CNGB3: variants seen among roughly 807,000 people sequenced by gnomAD.
CNGB3 encodes cyclic nucleotide gated channel subunit beta 3.
In CNGB3, 86 loss-of-function variants were observed where a neutral mutation model predicts 92.8. The observed-to-expected ratio is 0.93, with a 90% confidence interval of 0.78 to 1.11. The LOEUF is 1.11. Among genes scored for constraint, CNGB3 ranks in the 50% least tolerant of loss-of-function variants. CNGB3 has a pLI of 0.00. For missense variants in CNGB3, 1,026 were observed against 956.8 expected (o/e 1.07, Z -0.95); for synonymous variants, 333 against 332.7 (o/e 1.00, Z -0.01).
At chr8:86,732,213 C>G (rs1262516015) in intron 2 of CNGB3, among the ~76,000 whole-genome samples, 1 of 152,152 alleles carries the variant, frequency 6.6e-6, no homozygotes, top group Non-Finnish European at 1.5e-5. Context: ...GCTTTCCATG[C>G]CAAACTTCGC....
At chr8:86,698,150 C>G (rs991899789) in intron 3 of CNGB3, among the ~76,000 whole-genome samples, 1 of 152,168 alleles carries the variant, frequency 6.6e-6, no homozygotes, top group Non-Finnish European at 1.5e-5. Flanking sequence ...CCGATAGTTT[C>G]CAGATTCTAT....
At chr8:86,630,645 C>T (rs149723260) in intron 11 of CNGB3, among the ~76,000 whole-genome samples, 238 of 152,200 alleles carry the variant, frequency 1.6e-3, no homozygotes, top group African/African-American at 5.5e-3. Context: ...GTGGGAGAAT[C>T]ACTTGAGGCC....
intron 13 of CNGB3, among the ~76,000 whole-genome samples, chr8:86,616,900 G>T (rs1822632711): frequency 6.6e-6 from 1 of 152,130 alleles, no homozygotes; most frequent in African/African-American, 2.4e-5. Flanking sequence ...ATCTACACTT[G>T]GAGCAACTTG....
At chr8:86,728,064 C>T (rs369662026) in intron 2 of CNGB3, among the ~76,000 whole-genome samples, 25 of 152,028 alleles carry the variant, frequency 1.6e-4, no homozygotes, top group Non-Finnish European at 2.1e-4. Context: ...TTTCCCAAGA[C>T]GCTTTTATTC....
intron 3 of CNGB3, among the ~76,000 whole-genome samples, chr8:86,679,186 C>T (rs903527756): frequency 6.6e-6 from 1 of 152,160 alleles, no homozygotes; most frequent in Non-Finnish European, 1.5e-5. Context: ...GAAAGCTCAT[C>T]ATATTCTGTA....
intron 3 of CNGB3, among the ~76,000 whole-genome samples, chr8:86,675,769 CT>C (rs906912733): frequency 1.3e-5 from 2 of 152,152 alleles, no homozygotes; most frequent in Admixed American, 6.6e-5. Context: ...AAATTTGTGA[CT>C]TTTTTTGATA....
At position 86,594,695 on chromosome 8, in the gene CNGB3, TTTTG is replaced by T. The variant is rs59438172; in HGVS notation, c.1781+9394_1781+9397del. On this transcript the variant is annotated intron_variant, in intron 15 of 17. Transcript: ENST00000320005. Reference sequence around the variant, plus strand: ...GCTTGCCCCTGGCTTTAGACAGCTTTTTTGTTTGTTTGTTTGTTTGTTTGTTTGT... The same window carrying T: ...GCTTGCCCCTGGCTTTAGACAGCTTTTTTGTTTGTTTGTTTGTTTGTTTGT... 1.9e-3 allele frequency: 323 copies of T among 166,642 alleles called. 1 individual carries two copies. The highest frequency in any genetic ancestry group is 4.9e-3 in the African/African-American group (201 of 41,000). The allele number at this position is 166,642 out of a possible 1,614,324, so 10.3% of individuals were successfully genotyped here.
intron 6 of CNGB3, chr8:86,658,685 C>T: frequency 5.2e-6 from 2 of 384,310 alleles, no homozygotes; most frequent in South Asian, 6.1e-5. Context: ...CACCCAGCTT[C>T]TCGCTCGGCT....
chr8:86,694,704 T>C (rs1586021590), intron 3 of CNGB3, among the ~76,000 whole-genome samples: 1 of 144,338 alleles, frequency 6.9e-6, no homozygotes, highest in Admixed American at 6.8e-5. Flanking sequence ...AGACGATGGG[T>C]GGCCGGGCAG....
At position 86,625,576 on chromosome 8, in the gene CNGB3, G is replaced by A. The variant is rs114256800; in HGVS notation, c.1578+407C>T. Reference sequence around the variant, plus strand: ...GTCTAAATCCAAAGTATTTGTAATAGAAGACATGATTAGGTATAATTCTCT... The same window carrying A: ...GTCTAAATCCAAAGTATTTGTAATAAAAGACATGATTAGGTATAATTCTCT... On this transcript the variant is annotated intron_variant, in intron 13 of 17. Transcript: ENST00000320005. 3.2e-3 allele frequency among the ~76,000 whole-genome samples: 494 copies of A among 152,114 alleles called. 1 individual carries two copies. The highest frequency in any genetic ancestry group is 0.011 in the African/African-American group (462 of 41,496).
At chr8:86,742,231 T>C (rs1032960456) in intron 1 of CNGB3, among the ~76,000 whole-genome samples, 2 of 152,238 alleles carry the variant, frequency 1.3e-5, no homozygotes, top group African/African-American at 4.8e-5. Flanking sequence ...ATGTAGTGAC[T>C]TTCCCAGAGC....
Position 86,649,626 on chromosome 8 carries a change from C to G in CNGB3, c.904-1739G>C, listed in dbSNP as rs142376471. 2.2e-3 allele frequency among the ~76,000 whole-genome samples: 338 copies of G among 151,650 alleles called. 5 individuals are homozygous for G. Among genetic ancestry groups the G allele is most frequent in the African/African-American group, 7.9e-3 (327 of 41,490 alleles). ...GAAGAGTGAAACTAGATCCCTATCT[C>G]TCACTTTATACAGAAATCAACTCAA... On this transcript the variant is annotated intron_variant, in intron 7 of 17. Coordinates refer to ENST00000320005, the MANE Select transcript of CNGB3 (RefSeq NM_019098.5).
intron 10 of CNGB3, among the ~76,000 whole-genome samples, chr8:86,634,015 T>C (rs996794875): frequency 1.3e-5 from 2 of 152,194 alleles, no homozygotes; most frequent in African/African-American, 4.8e-5. Flanking sequence ...ATAAAATTTC[T>C]GTACTTGAAC....
intron 3 of CNGB3, among the ~76,000 whole-genome samples, chr8:86,695,115 C>T (rs1170483589): frequency 5.3e-5 from 8 of 151,816 alleles, no homozygotes; most frequent in African/African-American, 1.2e-4. Flanking sequence ...GCCAACACAG[C>T]GAAACCCCGT....
chr8:86,648,669 C>T (rs981660953), intron 7 of CNGB3, among the ~76,000 whole-genome samples: 2 of 151,026 alleles, frequency 1.3e-5, no homozygotes, highest in African/African-American at 4.8e-5. Context: ...AATAATTATT[C>T]ATTTTTATTA....
intron 13 of CNGB3, among the ~76,000 whole-genome samples, chr8:86,623,595 G>A (rs959086853): frequency 2.0e-5 from 3 of 152,156 alleles, no homozygotes; most frequent in African/African-American, 7.2e-5. Flanking sequence ...GAACCCTCAA[G>A]ACTCAATCAC....
intron 13 of CNGB3, among the ~76,000 whole-genome samples, chr8:86,625,311 A>G (rs1377796343): frequency 2.0e-5 from 3 of 152,186 alleles, no homozygotes; most frequent in Non-Finnish European, 1.5e-5. Flanking sequence ...CCCAGTGGCT[A>G]AAGTGGTGCC....
intron 3 of CNGB3, chr8:86,707,924 G>A (rs1189520613): frequency 2.0e-5 from 3 of 152,220 alleles, no homozygotes; most frequent in Non-Finnish European, 4.4e-5. Flanking sequence ...TTTTTGGGTT[G>A]AGCAAAGAGA....
intron 3 of CNGB3, among the ~76,000 whole-genome samples, 173 bp from the exon 4 acceptor site, chr8:86,671,271 C>T (rs1249714561): frequency 6.6e-6 from 1 of 152,144 alleles, no homozygotes; most frequent in Non-Finnish European, 1.5e-5. Flanking sequence ...TGGTGGAATA[C>T]AGATTTGTTA....
Sources: allele counts gnomAD v4.1 joint callset (sites outside exome capture counted in the v4.1 genomes callset), GRCh38; gene constraint gnomAD v4.1.1; transcripts MANE v1.5; gene names NCBI Gene and HGNC (gene_info 2026-07-23, HGNC 2026-07-21).